The following DNAH14 variants were observed in gnomAD, a reference collection of about 807,000 sequenced individuals.
The protein encoded by DNAH14 is axonemal beta dynein heavy chain 14.
DNAH14 carries 478 observed loss-of-function variants against 520.9 expected under a neutral mutation model. The observed-to-expected ratio is 0.92, with a 90% CI of 0.85 to 0.99. DNAH14 has a LOEUF of 0.99. DNAH14 is among the 50% of genes least tolerant of loss of function. The probability of loss-of-function intolerance (pLI) is 0.00; values close to 1 mark genes in which losing one functional copy is unlikely to be tolerated. For synonymous variants in DNAH14, 1,581 were observed against 1,757.2 expected (o/e 0.90, Z 2.51); for missense variants, 4,831 against 5,234.5 (o/e 0.92, Z 2.38).
chr1:225,309,518 A>T (rs1016001236), intron 60 of DNAH14, among the ~76,000 whole-genome samples: 2 of 152,090 alleles, frequency 1.3e-5, no homozygotes, highest in African/African-American at 2.4e-5. Context: ...CTCTTCCATT[A>T]AGGTGCCACC....
chr1:225,061,302 A>T (rs2070061350), intron 17 of DNAH14, among the ~76,000 whole-genome samples: 1 of 152,106 alleles, frequency 6.6e-6, no homozygotes, highest in African/African-American at 2.4e-5. Flanking sequence ...TGGGCGTAGG[A>T]CCCTCTGAGC....
intron 66 of DNAH14, among the ~76,000 whole-genome samples, chr1:225,336,036 C>G (rs61850029): frequency 1.0e-5 from 1 of 98,204 alleles, no homozygotes; most frequent in African/African-American, 5.2e-5. Context: ...TGTATATACA[C>G]ACATATATGC....
intron 7 of DNAH14, among the ~76,000 whole-genome samples, chr1:224,971,768 G>GTGTTCC (rs1277508707): frequency 2.0e-5 from 3 of 152,162 alleles, no homozygotes; most frequent in Middle Eastern, 3.2e-3. Flanking sequence ...GATGGTAGAA[G>GTGTTCC]TGGTGTTCCT....
intron 15 of DNAH14, among the ~76,000 whole-genome samples, chr1:225,049,263 A>G (rs1490013737): frequency 1.3e-5 from 2 of 151,808 alleles, no homozygotes; most frequent in Middle Eastern, 3.4e-3. Context: ...GGGTTTCACC[A>G]TCTTGGCCAT....
At chr1:225,128,211 C>G (rs1559044243) in intron 27 of DNAH14, among the ~76,000 whole-genome samples, 1 of 151,948 alleles carries the variant, frequency 6.6e-6, no homozygotes. Flanking sequence ...TGAGGAGTAT[C>G]TTTGTGGTGT....
chr1:224,986,633 A>G (rs1418329904), intron 8 of DNAH14, among the ~76,000 whole-genome samples: 1 of 152,218 alleles, frequency 6.6e-6, no homozygotes, highest in Non-Finnish European at 1.5e-5. Flanking sequence ...ACATCCTTTC[A>G]TGACAAAAAT....
intron 56 of DNAH14, among the ~76,000 whole-genome samples, chr1:225,301,666 C>T (rs1348893787): frequency 6.6e-6 from 1 of 152,000 alleles, no homozygotes; most frequent in African/African-American, 2.4e-5. Flanking sequence ...TGGGGGAGGA[C>T]CACAGGTGGA....
At chr1:225,307,995 G>A (rs7524527) in intron 59 of DNAH14, among the ~76,000 whole-genome samples, 62,271 of 152,028 alleles carry the variant, frequency 0.41, 13,562 homozygotes, top group East Asian at 0.64. Flanking sequence ...CAATATCCCA[G>A]TGGCAGACCA....
At position 225,023,782 on chromosome 1, in the gene DNAH14, T is replaced by C. The variant is rs1158880266; in HGVS notation, c.1275T>C (p.Thr425=). Residue 425 remains threonine, a synonymous_variant, in exon 11 of 86, where the codon ACT becomes ACC. Transcript: ENST00000682510. ...AACTCATTCGTCAACTTATGAACAC[T>C]GCAGTCACACTACTTTTGGAATTAT... ...FQELIRQLMN[T]AVTLLLELFN... 6.4e-7 allele frequency: 1 copy of C among 1,550,524 alleles called. No homozygotes were observed. The highest frequency in any genetic ancestry group is 8.7e-7 in the Non-Finnish European group (1 of 1,146,422).
intron 43 of DNAH14, among the ~76,000 whole-genome samples, chr1:225,241,326 T>G (rs1182613014): frequency 6.6e-6 from 1 of 152,152 alleles, no homozygotes; most frequent in Non-Finnish European, 1.5e-5. Context: ...GAACTTTGAG[T>G]AGGTAAAGTG....
At chr1:224,942,571 C>T (rs1274072072) in intron 1 of DNAH14, among the ~76,000 whole-genome samples, 1 of 152,140 alleles carries the variant, frequency 6.6e-6, no homozygotes, top group African/African-American at 2.4e-5. Flanking sequence ...GAGGGCATCC[C>T]TGTCTTGTGC....
At chr1:225,356,215 C>T (rs2095427090) in intron 73 of DNAH14, among the ~76,000 whole-genome samples, 1 of 152,058 alleles carries the variant, frequency 6.6e-6, no homozygotes, top group African/African-American at 2.4e-5. Flanking sequence ...ATTTTTGAGC[C>T]AAGATTTGAA....
At chr1:225,189,283 T>C (rs2085116055) in intron 37 of DNAH14, among the ~76,000 whole-genome samples, 1 of 151,852 alleles carries the variant, frequency 6.6e-6, no homozygotes, top group Non-Finnish European at 1.5e-5. Flanking sequence ...TTTTTGAGGA[T>C]TTTTGCATAT....
chr1:225,026,371 A>G (rs1312359223), intron 11 of DNAH14, among the ~76,000 whole-genome samples: 1 of 152,050 alleles, frequency 6.6e-6, no homozygotes, highest in Non-Finnish European at 1.5e-5. Context: ...GTTTTTATCT[A>G]AGATCTTATA....
intron 81 of DNAH14, among the ~76,000 whole-genome samples, chr1:225,382,747 A>AT (rs1281084805): frequency 8.5e-5 from 13 of 152,176 alleles, no homozygotes; most frequent in African/African-American, 2.4e-4. Flanking sequence ...AAACTTGCAC[A>AT]TGAATGTTCA....
intron 36 of DNAH14, among the ~76,000 whole-genome samples, chr1:225,180,790 G>T (rs534103751): frequency 6.6e-6 from 1 of 152,208 alleles, no homozygotes; most frequent in South Asian, 2.1e-4. Context: ...TGTTCTGATG[G>T]ATCTGCTATT....
chr1:225,108,083 C>T (rs1558983789), intron 23 of DNAH14, among the ~76,000 whole-genome samples: 2 of 152,180 alleles, frequency 1.3e-5, no homozygotes, highest in Non-Finnish European at 2.9e-5. Context: ...ATCTAATCAG[C>T]TACCAGTGCT....
chr1:225,062,541 A>AG (rs2070304707), intron 17 of DNAH14, among the ~76,000 whole-genome samples: 1 of 80,464 alleles, frequency 1.2e-5, no homozygotes, highest in Non-Finnish European at 3.7e-5. Flanking sequence ...TAAAGAAGGA[A>AG]GCTATGAAGA....
intron 8 of DNAH14, among the ~76,000 whole-genome samples, chr1:224,994,641 A>G (rs2063277398): frequency 6.6e-6 from 1 of 152,022 alleles, no homozygotes; most frequent in South Asian, 2.1e-4. Flanking sequence ...GTCACTTTTT[A>G]TTGAAGAATT....
Sources: allele counts gnomAD v4.1 joint callset (sites outside exome capture counted in the v4.1 genomes callset), GRCh38; gene constraint gnomAD v4.1.1; transcripts MANE v1.5; gene names NCBI Gene and HGNC (gene_info 2026-07-23, HGNC 2026-07-21).